The following FBXL18 variants were observed in gnomAD, a reference collection of about 807,000 sequenced individuals.
FBXL18 encodes F-box/LRR-repeat protein 18.
A neutral mutation model predicts 46.0 loss-of-function variants in FBXL18; 36 were observed. The ratio of observed to expected loss-of-function variants is 0.78; its 90% CI spans 0.60 to 1.03. The LOEUF (loss-of-function observed/expected upper bound fraction) is 1.03. Ranked by LOEUF, FBXL18 falls within the 50% of genes least tolerant of loss-of-function variation. The pLI is 0.00. For missense variants in FBXL18, 977 were observed against 1,004.1 expected (o/e 0.97, Z 0.36); for synonymous variants, 557 against 465.3 (o/e 1.20, Z -2.54).
Position 5,501,945 on chromosome 7 carries a change from A to C in FBXL18, c.324T>G (p.Pro108=), listed in dbSNP as rs985994900. 3.7e-6 allele frequency: 6 copies of C among 1,604,880 alleles called. No homozygotes were observed. Among genetic ancestry groups the C allele is most frequent in the Non-Finnish European group, 5.1e-6 (6 of 1,177,014 alleles). Residue 108 remains proline (P), a synonymous_variant, in exon 3 of 5, where the codon CCT becomes CCG. Coordinates refer to ENST00000382368, the MANE Select transcript of FBXL18 (RefSeq NM_024963.6). ...QLSMAGCYWL[P]GSTVEHVARC... The stretch of plus-strand genomic sequence containing the variant: ...GGGCCACGTGTTCCACGGTGGAGCC[A>C]GGCAGCCAGTAGCAGCCAGCCATGC...
chr7:5,468,600 A>ATATT (rs1001261696), intron 4 of FBXL18, among the ~76,000 whole-genome samples: 18 of 151,960 alleles, frequency 1.2e-4, no homozygotes, highest in African/African-American at 3.9e-4. Flanking sequence ...ACCTCTTTTT[A>ATATT]TATTTATTTA....
chr7:5,461,018 C>CTG (rs1449412810), intron 4 of FBXL18, among the ~76,000 whole-genome samples: 1 of 152,228 alleles, frequency 6.6e-6, no homozygotes, highest in Non-Finnish European at 1.5e-5. Flanking sequence ...CGCACAAGTG[C>CTG]TGTGTTTGCA....
rs28452582 is a variant in FBXL18, at chr7:5,482,033, C to G, written c.2001-102G>C. ...GGCACTCACACCTGCCTCCCCGTCC[C>G]GGGCTCACCTGGGGCTCCCAGACAG... On this transcript the variant is annotated intron_variant, in intron 4 of 4. Coordinates refer to ENST00000382368, the MANE Select transcript of FBXL18 (RefSeq NM_024963.6). 229 of 1,399,366 alleles carry G rather than the reference C, an allele frequency of 1.6e-4. No homozygotes were observed. In the African/African-American group the frequency reaches 3.2e-3, roughly 19 times the overall value. The allele number at this position is 1,399,366 out of a possible 1,614,324, so 86.7% of individuals were successfully genotyped here. A position where few individuals can be genotyped will look rare whatever the true frequency, so the allele number is the denominator to read the frequency against.
At chr7:5,509,568 C>A in intron 1 of FBXL18, among the ~76,000 whole-genome samples, 1 of 151,922 alleles carries the variant, frequency 6.6e-6, no homozygotes, top group East Asian at 1.9e-4. Context: ...TGGTGGGCTA[C>A]TGTCCACAGC....
chr7:5,475,089 C>T (rs1390476587), downstream of FBXL18, among the ~76,000 whole-genome samples: 2 of 150,432 alleles, frequency 1.3e-5, no homozygotes, highest in East Asian at 2.0e-4. This position sits in a 1 kb window ranked among gnomAD's most constrained non-coding sequence, Gnocchi z 4.2. Flanking sequence ...GAGGCCGAGG[C>T]GGGTGGATCA....
chr7:5,505,281 C>A lies in FBXL18; in HGVS notation c.237+131G>T, dbSNP rs374180079. 92 of 801,450 alleles carry A rather than the reference C, an allele frequency of 1.1e-4. No individual in the cohort carries two copies. In the South Asian group the frequency reaches 1.3e-3, roughly 11 times the overall value. The allele number at this position is 801,450 out of a possible 1,614,324, so 49.6% of individuals were successfully genotyped here. A position where few individuals can be genotyped will look rare whatever the true frequency, so the allele number is the denominator to read the frequency against. Reference sequence around the variant, plus strand: ...TCTGTCCCTCAATGCATCCTGCAGACGGCGCCAGTCAGGACTTGGAGTTCC... The same window carrying A: ...TCTGTCCCTCAATGCATCCTGCAGAAGGCGCCAGTCAGGACTTGGAGTTCC... On this transcript the variant is annotated intron_variant, in intron 2 of 4. Transcript: ENST00000382368.
intron 4 of FBXL18, chr7:5,489,169 G>C (rs1238521331): frequency 1.0e-5 from 5 of 488,174 alleles, no homozygotes; most frequent in Non-Finnish European, 1.6e-5. Context: ...GAGCCGTGAG[G>C]ACAGCACTGA....
At chr7:5,503,316 GGACGTTGCAGT>G (rs1355590175) in intron 2 of FBXL18, among the ~76,000 whole-genome samples, 1 of 152,166 alleles carries the variant, frequency 6.6e-6, no homozygotes, top group African/African-American at 2.4e-5. Flanking sequence ...CCTGGGAGGT[GGACGTTGCAGT>G]GAGCTATCAT....
chr7:5,486,055 T>C (rs1783765635), intron 4 of FBXL18, among the ~76,000 whole-genome samples: 1 of 127,160 alleles, frequency 7.9e-6, no homozygotes, highest in Admixed American at 8.5e-5. Context: ...CAAGACTCTG[T>C]CTCAAAAAAA....
chr7:5,493,621 G>T (rs1783989843), intron 3 of FBXL18, among the ~76,000 whole-genome samples: 1 of 150,754 alleles, frequency 6.6e-6, no homozygotes, highest in Non-Finnish European at 1.5e-5. Context: ...AAGAATAAAG[G>T]AAGTGTGGCT....
At chr7:5,510,673 G>A in intron 1 of FBXL18, among the ~76,000 whole-genome samples, 1 of 147,232 alleles carries the variant, frequency 6.8e-6, no homozygotes, top group Non-Finnish European at 1.5e-5. Context: ...GCAACAGAGT[G>A]AGATCCTGTC....
At chr7:5,471,719 A>T (rs1783430809), downstream of FBXL18, among the ~76,000 whole-genome samples, 1 of 152,186 alleles carries the variant, frequency 6.6e-6, no homozygotes, top group Non-Finnish European at 1.5e-5. Flanking sequence ...GACAAAGGCC[A>T]GGCGGCTTCA....
At chr7:5,497,272 A>G (rs984344699) in intron 3 of FBXL18, among the ~76,000 whole-genome samples, 2 of 152,026 alleles carry the variant, frequency 1.3e-5, no homozygotes, top group African/African-American at 2.4e-5. Context: ...GGAGATTCTG[A>G]AAAGTCGCCC....
At chr7:5,471,661 C>G (rs972873441), downstream of FBXL18, among the ~76,000 whole-genome samples, 1 of 152,188 alleles carries the variant, frequency 6.6e-6, no homozygotes, top group Non-Finnish European at 1.5e-5. Flanking sequence ...CTGCCCTCCT[C>G]GGCCTCCCAA....
chr7:5,477,685 G>C lies in FBXL18; in HGVS notation c.*4090C>G, dbSNP rs1783547802. 1 of 150,488 alleles carries C rather than the reference G, an allele frequency of 6.6e-6. No homozygotes were observed. The highest frequency in any genetic ancestry group is 2.4e-5 in the African/African-American group (1 of 40,842). 9.3% of individuals were successfully genotyped at this position (150,488 alleles called of 1,614,324 possible). On this transcript the variant is annotated 3_prime_UTR_variant, in exon 5 of 5. Coordinates refer to ENST00000382368, the MANE Select transcript of FBXL18 (RefSeq NM_024963.6). This position sits in a 1 kb window ranked among gnomAD's most constrained non-coding sequence, Gnocchi z 4.4. ...CGTGCCACTGCACTCCAGCCTGGGGGACAAAGCAAGACTCCCTCTCAAAAA... is the reference window on the plus strand; with the variant it reads ...CGTGCCACTGCACTCCAGCCTGGGGCACAAAGCAAGACTCCCTCTCAAAAA...
At chr7:5,485,451 T>C (rs1783747631) in intron 4 of FBXL18, among the ~76,000 whole-genome samples, 1 of 152,178 alleles carries the variant, frequency 6.6e-6, no homozygotes. Context: ...TGGCGAGATG[T>C]GCCTCTCTCA....
chr7:5,500,547 C>A lies in FBXL18; in HGVS notation c.1722G>T (p.Val574=). The A allele has an allele frequency of 6.2e-7, 1 of 1,613,552 alleles. No homozygotes were observed. Among genetic ancestry groups the A allele is most frequent in the Non-Finnish European group, 8.5e-7 (1 of 1,179,866 alleles). The part of the protein sequence containing the change: ...SLANLGMMGK[V]VYMPALSDML... ...TGTCTGAGAGCGCGGGCATGTACAC[C>A]ACCTTCCCCATCATGCCCAGGTTGG... The change falls in exon 3 of 5, where the codon GTG becomes GTT. Residue 574 remains valine (V), a synonymous_variant. Coordinates refer to ENST00000382368, the MANE Select transcript of FBXL18 (RefSeq NM_024963.6).
rs1296087508 is a variant in FBXL18 at position 5,496,780 on chromosome 7, C to T, written c.1781+3708G>A. Among the ~76,000 whole-genome samples the T allele has an allele frequency of 1.3e-5, 2 of 152,180 alleles. No individual in the cohort carries two copies. Among genetic ancestry groups the T allele is most frequent in the African/African-American group, 4.8e-5 (2 of 41,434 alleles). ...GTGGCTTACGCCTGTAATCCCACCACTTTGGGAGGCCGAGGTGGGCGGATC... is the reference window on the plus strand; with the variant it reads ...GTGGCTTACGCCTGTAATCCCACCATTTTGGGAGGCCGAGGTGGGCGGATC... On this transcript the variant is annotated intron_variant, in intron 3 of 4. Coordinates refer to ENST00000382368, the MANE Select transcript of FBXL18 (RefSeq NM_024963.6). The surrounding 1 kb of genome is among the most constrained non-coding windows in gnomAD (Gnocchi z 4.8).
intron 4 of FBXL18, among the ~76,000 whole-genome samples, chr7:5,484,373 C>G (rs13232753): frequency 2.7e-5 from 4 of 150,722 alleles, no homozygotes; most frequent in Admixed American, 1.3e-4. Flanking sequence ...CGGAAGGCTG[C>G]GGCAGGAGAA....
Sources: allele counts gnomAD v4.1 joint callset (sites outside exome capture counted in the v4.1 genomes callset), GRCh38; gene constraint gnomAD v4.1.1; non-coding constraint Gnocchi (gnomAD v3.1); transcripts MANE v1.5; gene names NCBI Gene and HGNC (gene_info 2026-07-23, HGNC 2026-07-21).